Variants in SAMD3 observed in about 807,000 individuals in gnomAD.
SAMD3 encodes the protein sterile alpha motif domain-containing protein 3.
In SAMD3, 63 loss-of-function variants were observed where a neutral mutation model predicts 58.5. That is an observed-to-expected ratio of 1.08 (90% confidence interval 0.88 to 1.33). The LOEUF is 1.33. Among genes scored for constraint, SAMD3 ranks in the 40% most tolerant of loss-of-function variants. The pLI is 0.00. For missense variants in SAMD3, 604 were observed against 608.4 expected, an observed-to-expected ratio of 0.99 and a Z score of 0.08; for synonymous variants, 220 against 210.3, an observed-to-expected ratio of 1.05 and a Z score of -0.40.
At chr6:130,307,749 T>G (rs1775956716) in intron 2 of SAMD3, among the ~76,000 whole-genome samples, 1 of 152,216 alleles carries the variant, frequency 6.6e-6, no homozygotes, top group South Asian at 2.1e-4. Flanking sequence ...TTACAAAATG[T>G]AGTAGGCCCA....
At chr6:130,156,671 G>T (rs928854149) in intron 8 of SAMD3, among the ~76,000 whole-genome samples, 3 of 152,098 alleles carry the variant, frequency 2.0e-5, no homozygotes, top group Admixed American at 6.6e-5. Context: ...GAGAAACGTG[G>T]TGTATGAACA....
chr6:130,285,402 C>A (rs1057492830), intron 2 of SAMD3, among the ~76,000 whole-genome samples: 29 of 152,166 alleles, frequency 1.9e-4, no homozygotes, highest in African/African-American at 6.7e-4. Flanking sequence ...AGAAAAGCAG[C>A]CTCACTAGTA....
intron 2 of SAMD3, among the ~76,000 whole-genome samples, chr6:130,233,740 A>G (rs1370905078): frequency 6.6e-6 from 1 of 152,224 alleles, no homozygotes; most frequent in African/African-American, 2.4e-5. Context: ...AATTTATAAG[A>G]TGAATCTAGT....
In SAMD3 at chr6:130,189,098, A is replaced by G. The variant is rs560981872; in HGVS notation, c.384-4475T>C. On this transcript the variant is annotated intron_variant, in intron 5 of 11. Transcript: ENST00000439090. Reference sequence around the variant, plus strand: ...TCCAAAATAATTCACAATCTTTAAAAAAACCAAAAAAAAAAAAAAACCAAA... The same window carrying G: ...TCCAAAATAATTCACAATCTTTAAAGAAACCAAAAAAAAAAAAAAACCAAA... Among the ~76,000 whole-genome samples the G allele has an allele frequency of 4.2e-3, 364 of 87,316 alleles. 1 individual carries two copies. Among genetic ancestry groups the G allele is most frequent in the African/African-American group, 0.013 (301 of 22,694 alleles). The allele number at this position is 87,316 out of a possible 152,430, so 57.3% of individuals were successfully genotyped here. A position where few individuals can be genotyped will look rare whatever the true frequency, so the allele number is the denominator to read the frequency against.
chr6:130,321,121 G>T (rs550908133), intron 1 of SAMD3, among the ~76,000 whole-genome samples: 23 of 152,200 alleles, frequency 1.5e-4, no homozygotes, highest in Non-Finnish European at 3.4e-4. Context: ...CAAATAGAAT[G>T]CAATGAAGTG....
rs554737659 is a variant in SAMD3 at position 130,152,640 on chromosome 6, G to T, written c.1023+2185C>A. On this transcript the variant is annotated intron_variant, in intron 9 of 11. Transcript: ENST00000439090. ...TGCAGTGAGCCAAGATTGTGCCACT[G>T]CACTCCAGCCTGGGCGACAAAGTAA... Among the ~76,000 whole-genome samples the T allele has an allele frequency of 1.5e-3, 231 of 152,242 alleles. 2 individuals are homozygous for T. Among genetic ancestry groups the T allele is most frequent in the African/African-American group, 5.3e-3 (221 of 41,530 alleles).
At chr6:130,332,901 C>T (rs902260986) in intron 1 of SAMD3, among the ~76,000 whole-genome samples, 4 of 152,214 alleles carry the variant, frequency 2.6e-5, no homozygotes, top group African/African-American at 9.6e-5. Flanking sequence ...TGTGGAGGAA[C>T]TGCTATAATT....
intron 7 of SAMD3, among the ~76,000 whole-genome samples, chr6:130,178,900 G>A (rs144800800): frequency 1.3e-3 from 199 of 152,292 alleles, no homozygotes; most frequent in African/African-American, 4.7e-3. Flanking sequence ...TGAGTCAGAG[G>A]TGCCTTATCA....
chr6:130,209,383 G>T, intron 5 of SAMD3, 112 bp downstream of exon 5: 1 of 532,378 alleles, frequency 1.9e-6, no homozygotes, highest in Non-Finnish European at 3.3e-6. Flanking sequence ...TCCCTTCCAG[G>T]AAAACAAAAA....
intron 1 of SAMD3, among the ~76,000 whole-genome samples, chr6:130,349,864 T>G (rs975244480): frequency 1.4e-4 from 22 of 152,272 alleles, no homozygotes; most frequent in Admixed American, 5.2e-4. Context: ...ATCAAAAAGC[T>G]TATCCACCAT....
At chr6:130,333,387 C>G (rs548379675) in intron 1 of SAMD3, among the ~76,000 whole-genome samples, 1 of 152,188 alleles carries the variant, frequency 6.6e-6, no homozygotes, top group South Asian at 2.1e-4. Flanking sequence ...GTGCTCCTCC[C>G]TGATCTCATT....
At position 130,200,557 on chromosome 6, in the gene SAMD3, C is replaced by CAAA. The variant is rs11375395; in HGVS notation, c.383+8935_383+8937dup. Reference sequence around the variant, plus strand: ...GAGCCAGACTCTGTCCCCCGACCCACAAAAAAAAAAAAAAAAAAAAAGGGG... The same window carrying CAAA: ...GAGCCAGACTCTGTCCCCCGACCCACAAAAAAAAAAAAAAAAAAAAAAAAGGGG... On this transcript the variant is annotated intron_variant, in intron 5 of 11. Transcript: ENST00000439090. 8.7e-4 allele frequency among the ~76,000 whole-genome samples: 84 copies of CAAA among 96,912 alleles called. 1 individual carries two copies. The highest frequency in any genetic ancestry group is 9.7e-4 in the Admixed American group (7 of 7,214). The allele number at this position is 96,912 out of a possible 152,430, so 63.6% of individuals were successfully genotyped here.
chr6:130,189,745 TG>T (rs1401721989), intron 5 of SAMD3, among the ~76,000 whole-genome samples: 1 of 152,256 alleles, frequency 6.6e-6, no homozygotes, highest in Non-Finnish European at 1.5e-5. Context: ...GAGCTCCCAC[TG>T]GACCAGCTGT....
intron 1 of SAMD3, among the ~76,000 whole-genome samples, chr6:130,343,739 T>C (rs1251891799): frequency 6.6e-6 from 1 of 152,094 alleles, no homozygotes; most frequent in African/African-American, 2.4e-5. Context: ...CTGAGTTGGG[T>C]GGATCACTTG....
intron 1 of SAMD3, among the ~76,000 whole-genome samples, chr6:130,334,961 A>G (rs1231350776): frequency 6.6e-6 from 1 of 152,240 alleles, no homozygotes; most frequent in Non-Finnish European, 1.5e-5. Context: ...TCATTTATCA[A>G]TCAACTCTTT....
intron 2 of SAMD3, among the ~76,000 whole-genome samples, chr6:130,291,043 G>A (rs4897406): frequency 4.0e-5 from 6 of 151,812 alleles, no homozygotes; most frequent in Non-Finnish European, 1.5e-5. Flanking sequence ...ATTCTGATGT[G>A]TGGTTCACAA....
At chr6:130,162,708 A>G (rs1790380824) in intron 8 of SAMD3, among the ~76,000 whole-genome samples, 1 of 152,168 alleles carries the variant, frequency 6.6e-6, no homozygotes, top group Non-Finnish European at 1.5e-5. Context: ...TAAAGGTTTC[A>G]TACCTAAGAT....
chr6:130,365,643 A>T (rs2115053413), upstream of SAMD3: 5 of 985,312 alleles, frequency 5.1e-6, no homozygotes, highest in Non-Finnish European at 6.0e-6. Context: ...GTCCCGCGGT[A>T]GCTAGAGGCG....
chr6:130,176,441 T>G (rs1229625097), intron 7 of SAMD3, among the ~76,000 whole-genome samples: 1 of 152,238 alleles, frequency 6.6e-6, no homozygotes, highest in Non-Finnish European at 1.5e-5. Context: ...TCCTGTCATC[T>G]TTTGAAATTT....
Sources: gnomAD v4.1 joint callset for allele counts (sites outside exome capture counted in the v4.1 genomes callset) on GRCh38, gnomAD v4.1.1 for gene constraint, MANE v1.5 for transcripts, NCBI Gene and HGNC (gene_info 2026-07-23, HGNC 2026-07-21) for gene names.